The following CNTN4 variants were observed in gnomAD, a reference collection of about 807,000 sequenced individuals.
CNTN4 encodes contactin-4.
Under a neutral mutation model 122.5 loss-of-function variants are expected in CNTN4, and 77 were observed. The ratio of observed to expected loss-of-function variants is 0.63; its 90% CI spans 0.52 to 0.76. The LOEUF (loss-of-function observed/expected upper bound fraction) is 0.76, where lower values mean the gene tolerates loss of function less well. Ranked by LOEUF, CNTN4 falls within the 30% of genes least tolerant of loss-of-function variation. The pLI is 0.00. For synonymous variants in CNTN4, 512 were observed against 447.0 expected, an observed-to-expected ratio of 1.15 and a Z score of -1.83; for missense variants, 1,256 against 1,259.1, an observed-to-expected ratio of 1.00 and a Z score of 0.04.
At chr3:2,388,652 C>A (rs1040085026) in intron 3 of CNTN4, among the ~76,000 whole-genome samples, 1 of 151,976 alleles carries the variant, frequency 6.6e-6, no homozygotes, top group Non-Finnish European at 1.5e-5. Context: ...TAAGACCAAC[C>A]GGGCCAATGT....
At chr3:2,960,944 T>G (rs971427353) in intron 13 of CNTN4, among the ~76,000 whole-genome samples, 1 of 152,096 alleles carries the variant, frequency 6.6e-6, no homozygotes, top group East Asian at 1.9e-4. Flanking sequence ...GATAAAGGCC[T>G]ATTGTGCCGG....
At chr3:2,563,718 GT>G (rs2149443434) in intron 3 of CNTN4, among the ~76,000 whole-genome samples, 1 of 152,134 alleles carries the variant, frequency 6.6e-6, no homozygotes, top group East Asian at 1.9e-4. Flanking sequence ...ATTCATGTCT[GT>G]TTTTCAACTG....
intron 2 of CNTN4, among the ~76,000 whole-genome samples, chr3:2,217,800 C>G (rs1162374996): frequency 6.6e-6 from 1 of 152,124 alleles, no homozygotes; most frequent in Non-Finnish European, 1.5e-5. Flanking sequence ...CTTAGAACAA[C>G]TATTAACTTT....
intron 2 of CNTN4, among the ~76,000 whole-genome samples, chr3:2,327,741 C>A (rs2043521046): frequency 6.6e-6 from 1 of 152,074 alleles, no homozygotes; most frequent in African/African-American, 2.4e-5. Context: ...ATAGATGTTC[C>A]TAGCAAAAAG....
chr3:2,835,170 G>T (rs2093198768), intron 7 of CNTN4, among the ~76,000 whole-genome samples: 2 of 151,958 alleles, frequency 1.3e-5, no homozygotes, highest in African/African-American at 4.8e-5. Context: ...CTCCCAAAGT[G>T]CTGGGATTAC....
chr3:3,028,408 T>C (rs994867387), intron 15 of CNTN4, among the ~76,000 whole-genome samples: 1 of 152,198 alleles, frequency 6.6e-6, no homozygotes, highest in Non-Finnish European at 1.5e-5. Flanking sequence ...CTCCTCACTC[T>C]ATTTTTTTCT....
At chr3:2,863,760 A>C (rs1050295938) in intron 7 of CNTN4, among the ~76,000 whole-genome samples, 1 of 144,676 alleles carries the variant, frequency 6.9e-6, no homozygotes, top group South Asian at 2.2e-4. Flanking sequence ...AGGAGTTTCA[A>C]GGACATTGGC....
chr3:3,039,037 G>C (rs368006049), intron 19 of CNTN4, 34 bp downstream of exon 19: 4 of 1,523,902 alleles, frequency 2.6e-6, no homozygotes, highest in African/African-American at 2.7e-5. Flanking sequence ...GAACGTACAC[G>C]CATCGAAGCT....
chr3:2,435,376 T>C (rs1214102332), intron 3 of CNTN4, among the ~76,000 whole-genome samples: 1 of 152,106 alleles, frequency 6.6e-6, no homozygotes, highest in Non-Finnish European at 1.5e-5. Context: ...TAATACCTAA[T>C]ACAGTGTAAT....
chr3:2,482,829 G>A (rs913836056), intron 3 of CNTN4, among the ~76,000 whole-genome samples: 20 of 152,172 alleles, frequency 1.3e-4, no homozygotes, highest in African/African-American at 4.6e-4. Context: ...GATTTCAGAG[G>A]GTATATGGAA....
At chr3:2,902,746 G>C in intron 11 of CNTN4, 130 bp from the exon 12 acceptor site, 3 of 900,692 alleles carry the variant, frequency 3.3e-6, no homozygotes, top group South Asian at 1.5e-5. Flanking sequence ...AATAGATCAT[G>C]TTATGTAAAT....
intron 6 of CNTN4, among the ~76,000 whole-genome samples, chr3:2,780,598 TCTTCTA>T (rs2091530767): frequency 6.6e-6 from 1 of 152,216 alleles, no homozygotes; most frequent in African/African-American, 2.4e-5. Context: ...ATGGATTTGT[TCTTCTA>T]CTACTTTGAT....
chr3:2,461,608 T>C (rs767819547), intron 3 of CNTN4, among the ~76,000 whole-genome samples: 32 of 152,178 alleles, frequency 2.1e-4, no homozygotes, highest in Admixed American at 3.3e-4. Context: ...GCTCTCTGCT[T>C]TATCAATGAG....
chr3:2,812,557 T>G (rs910846396), intron 6 of CNTN4, among the ~76,000 whole-genome samples: 20 of 144,392 alleles, frequency 1.4e-4, no homozygotes, highest in African/African-American at 4.7e-4. Context: ...AGGTTTGTTT[T>G]TTTTGTTTTG....
rs149227877 is a variant in CNTN4 at position 2,772,191 on chromosome 3, C to A, written c.358+26494C>A. The stretch of plus-strand genomic sequence containing the variant: ...GTATAACCAGGTTTGCATTTTAGAA[C>A]TTGATTACTGTGGCTTCATTTTGGA... On this transcript the variant is annotated intron_variant, in intron 6 of 24. Coordinates refer to ENST00000418658, the MANE Select transcript of CNTN4 (RefSeq NM_175607.3). Among the ~76,000 whole-genome samples, 186 of 152,104 alleles carry A rather than the reference C, an allele frequency of 1.2e-3. 1 individual carries two copies. Among genetic ancestry groups the A allele is most frequent in the African/African-American group, 4.3e-3 (177 of 41,474 alleles).
In CNTN4 at chr3:2,571,094, G is replaced by A. The variant is rs78728103; in HGVS notation, c.-88-322G>A. On this transcript the variant is annotated intron_variant, in intron 3 of 24. Coordinates refer to ENST00000418658, the MANE Select transcript of CNTN4 (RefSeq NM_175607.3). ...ACTAATTGGAAAATAAATAAGAACA[G>A]GATCTGGACAAAGAGAGACCTTGCA... Among the ~76,000 whole-genome samples the A allele has an allele frequency of 0.13, 19,523 of 152,126 alleles. 1,618 individuals carry two copies. The highest frequency in any genetic ancestry group is 0.18 in the Non-Finnish European group (12,391 of 67,992).
intron 3 of CNTN4, among the ~76,000 whole-genome samples, chr3:2,566,014 C>G (rs576641561): frequency 8.5e-5 from 13 of 152,332 alleles, no homozygotes; most frequent in African/African-American, 3.1e-4. Flanking sequence ...TCACAAAAGA[C>G]TTCTGAATTA....
chr3:2,567,755 C>T (rs1030556776), intron 3 of CNTN4, among the ~76,000 whole-genome samples: 5 of 152,136 alleles, frequency 3.3e-5, no homozygotes, highest in African/African-American at 1.2e-4. Context: ...AGTTTGTTTT[C>T]CTTGTCACTT....
intron 4 of CNTN4, among the ~76,000 whole-genome samples, chr3:2,639,036 G>C (rs904231356): frequency 6.6e-6 from 1 of 152,124 alleles, no homozygotes; most frequent in Non-Finnish European, 1.5e-5. Flanking sequence ...TGGTCTCACT[G>C]CTTTTCCCCT....
Sources: gnomAD v4.1 joint callset for allele counts (sites outside exome capture counted in the v4.1 genomes callset) on GRCh38, gnomAD v4.1.1 for gene constraint, MANE v1.5 for transcripts, NCBI Gene and HGNC (gene_info 2026-07-23, HGNC 2026-07-21) for gene names.